EVPL: variants seen among roughly 807,000 people sequenced by gnomAD.
EVPL encodes 210 kDa cornified envelope precursor protein.
In EVPL, 94 loss-of-function variants were observed where a neutral mutation model predicts 129.7. The observed-to-expected ratio is 0.72, with a 90% CI of 0.61 to 0.86. The LOEUF is 0.86. EVPL is among the 40% of genes least tolerant of loss of function. EVPL has a pLI of 0.00. For synonymous variants in EVPL, 1,172 were observed against 1,191.1 expected (o/e 0.98, Z 0.33); for missense variants, 2,625 against 2,721.1 (o/e 0.96, Z 0.79).
rs1414404566 is a variant in EVPL at position 76,008,034 on chromosome 17, T to A, written c.5171A>T (p.Glu1724Val). 2 of 1,613,982 alleles carry A rather than the reference T, an allele frequency of 1.2e-6. No homozygotes were observed. Among genetic ancestry groups the A allele is most frequent in the Non-Finnish European group, 1.7e-6 (2 of 1,180,024 alleles). The change falls in exon 22 of 22, where the codon GAG becomes GTG. Residue 1724 changes from glutamate (E) to valine (V), a missense_variant. Glu to Val is a moderately radical substitution (Grantham distance 121). Around this residue, in one of 4 missense-constraint regions of EVPL, gnomAD observed 1,453 missense variants for 1,511.8 expected, o/e 0.96. Coordinates refer to ENST00000301607, the MANE Select transcript of EVPL (RefSeq NM_001988.4). The surrounding 1 kb of genome is among the most constrained non-coding windows in gnomAD (Gnocchi z 7.4). ...LQLQELECDWEEVTTSGPCGE... is the reference protein window; with the variant it reads ...LQLQELECDWVEVTTSGPCGE... ...ACAGGGCCCCGAGGTGGTGACCTCC[T>A]CCCAGTCACACTCGAGCTCCTGCAG...
At position 76,010,365 on chromosome 17, in the gene EVPL, G is replaced by A. The variant is rs897637669; in HGVS notation, c.2840C>T (p.Thr947Ile). 15 of 1,613,810 alleles carry A rather than the reference G, an allele frequency of 9.3e-6. No individual in the cohort carries two copies. The highest frequency in any genetic ancestry group is 1.3e-5 in the Non-Finnish European group (15 of 1,180,022). ...AQRSQLLQLR[T>I]QRPLERLEEK... ...CTCCAGCCTCTCCAAGGGCCGCTGG[G>A]TCCTCAGCTGCAGCAGTTGGCTCCT... The change falls in exon 22 of 22, where the codon ACC (threonine) becomes ATC (isoleucine). Residue 947 changes from threonine to isoleucine, a missense_variant. This residue lies in a region of EVPL where 1,453 missense variants were observed against 1,511.8 expected (regional missense o/e 0.96). Transcript: ENST00000301607.
rs774831178 is a variant in EVPL, at chr17:76,013,578, C to G, written c.2373+848G>C. 6.6e-6 allele frequency among the ~76,000 whole-genome samples: 1 copy of G among 152,136 alleles called. No individual in the cohort carries two copies. The highest frequency in any genetic ancestry group is 2.4e-5 in the African/African-American group (1 of 41,418). On this transcript the variant is annotated intron_variant, in intron 18 of 21. Coordinates refer to ENST00000301607, the MANE Select transcript of EVPL (RefSeq NM_001988.4). The surrounding 1 kb of genome is among the most constrained non-coding windows in gnomAD (Gnocchi z 4.3). ...TCCCCAACAGAACCCTGGGCATCAC[C>G]GGGCCCCGTCCATCTCACTCACTGT...
chr17:76,007,187 G>T lies in EVPL; in HGVS notation c.6018C>A (p.Ser2006Arg). The T allele has an allele frequency of 6.5e-7, 1 of 1,529,030 alleles. No homozygotes were observed. The highest frequency in any genetic ancestry group is 8.8e-7 in the Non-Finnish European group (1 of 1,136,452). 94.7% of individuals were successfully genotyped at this position (1,529,030 alleles called of 1,614,324 possible). ...GTGCCGCTGGCAGGAGCAGCAGGCC[G>T]CTCAGGGGGTCTTTGCGGCAGCGGC... ...AMGRCRKDPLSGLLLLPAALE... is the reference protein window; with the variant it reads ...AMGRCRKDPLRGLLLLPAALE... The change falls in exon 22 of 22, where the codon AGC becomes AGA. Residue 2006 changes from serine (S) to arginine (R), a missense_variant. Ser to Arg is a moderately radical substitution (Grantham distance 110, BLOSUM62 -1). Around this residue, in one of 4 missense-constraint regions of EVPL, gnomAD observed 1,453 missense variants for 1,511.8 expected, o/e 0.96. Coordinates refer to ENST00000301607, the MANE Select transcript of EVPL (RefSeq NM_001988.4). The surrounding 1 kb of genome is among the most constrained non-coding windows in gnomAD (Gnocchi z 8.8).
In EVPL at chr17:76,021,907, T is replaced by C. The variant is rs930221713; in HGVS notation, c.767A>G (p.Asp256Gly). 11 of 1,560,758 alleles carry C rather than the reference T, an allele frequency of 7.0e-6. No homozygotes were observed. In the African/African-American group the frequency reaches 1.4e-4, roughly 19 times the overall value. Residue 256 changes from aspartate to glycine, a missense_variant, in exon 7 of 22, where the codon GAC (aspartate) becomes GGC (glycine). Transcript: ENST00000301607. The stretch of plus-strand genomic sequence containing the variant: ...CACGCCCGCAGGGTCGGCCATGAGG[T>C]CGCTCCAGTCCTGCTGCAGGATGCG... ...QRRILQQDWS[D>G]LMADPAGVRR...
rs962803888 is a variant in EVPL at position 76,008,713 on chromosome 17, C to T, written c.4492G>A (p.Glu1498Lys). The T allele has an allele frequency of 6.2e-7, 1 of 1,613,690 alleles. No homozygotes were observed. Among genetic ancestry groups the T allele is most frequent in the African/African-American group, 1.3e-5 (1 of 74,938 alleles). ...EKTQVTELNR[E>K]CKNLQVQIDV... ...ATCTGGACCTGCAGGTTCTTGCACT[C>T]CCGATTCAGCTCGGTTACCTGGGTC... The change falls in exon 22 of 22, where the codon GAG (glutamate) becomes AAG (lysine). Residue 1498 changes from glutamate (E) to lysine (K), a missense_variant. Transcript: ENST00000301607. The surrounding 1 kb of genome is among the most constrained non-coding windows in gnomAD (Gnocchi z 7.4).
Position 76,009,832 on chromosome 17 carries a change from G to A in EVPL, c.3373C>T (p.Arg1125Trp), listed in dbSNP as rs371423033. 5.1e-5 allele frequency: 82 copies of A among 1,613,910 alleles called. No homozygotes were observed. In the Admixed American group the frequency reaches 6.3e-4, roughly 12 times the overall value. Residue 1125 changes from arginine to tryptophan, a missense_variant, in exon 22 of 22, where the codon CGG (arginine) becomes TGG (tryptophan). This residue lies in a region of EVPL where 1,453 missense variants were observed against 1,511.8 expected (regional missense o/e 0.96). Transcript: ENST00000301607. This position sits in a 1 kb window ranked among gnomAD's most constrained non-coding sequence, Gnocchi z 5.9. ...TTGGGCTCCACCGAGCTGATAGCCC[G>A]CTCCAGGTCTTCGATGCGAGCCTGT... is the stretch of plus-strand genomic sequence containing the variant. ...KLQARIEDLE[R>W]AISSVEPKVI...
Position 76,023,400 on chromosome 17 carries a change from C to A in EVPL, c.372G>T (p.Glu124Asp). ...ACTCCGCACACTCCTGGGTCACCCGCTCGTGCAGCTGCTTGATGCTGTCAA... is the reference window on the plus strand; with the variant it reads ...ACTCCGCACACTCCTGGGTCACCCGATCGTGCAGCTGCTTGATGCTGTCAA... Reference protein sequence around the residue: ...EIEKDIKQLHERVTQECAEYR... With the variant: ...EIEKDIKQLHDRVTQECAEYR... The change falls in exon 4 of 22, where the codon GAG (glutamate) becomes GAT (aspartate). Residue 124 changes from glutamate to aspartate, a missense_variant. Physicochemically the swap from Glu to Asp is conservative, Grantham distance 45. Transcript: ENST00000301607. The A allele has an allele frequency of 1.2e-6, 2 of 1,613,858 alleles. No individual in the cohort carries two copies. The highest frequency in any genetic ancestry group is 4.5e-5 in the East Asian group (2 of 44,848).
At chr17:76,012,458 C>T (rs1205431413) in intron 18 of EVPL, among the ~76,000 whole-genome samples, 1 of 152,154 alleles carries the variant, frequency 6.6e-6, no homozygotes. Flanking sequence ...CCATGCCAGG[C>T]TAATTTTTAT....
Position 76,018,484 on chromosome 17 carries a change from G to T in EVPL, c.1401C>A (p.Ile467=). ...CCACAGCATCAGGGTCTGGTGCTGG[G>T]ATGCAGAAGCAGGCGGCGGGAGCAC... The part of the protein sequence containing the change: ...TKRAPAACFC[I]PAPDPDAVAR... Residue 467 remains isoleucine (I), a synonymous_variant, in exon 12 of 22, where the codon ATC becomes ATA. Coordinates refer to ENST00000301607, the MANE Select transcript of EVPL (RefSeq NM_001988.4). 6.2e-7 allele frequency: 1 copy of T among 1,612,690 alleles called. No individual in the cohort carries two copies. The highest frequency in any genetic ancestry group is 8.5e-7 in the Non-Finnish European group (1 of 1,179,846).
rs555554617 is a variant in EVPL, at chr17:76,008,334, G to A, written c.4871C>T (p.Thr1624Met). ...QEESKLLSQK[T>M]ESERQKAAQR... ...GGCCGCCTTCTGTCGCTCGCTCTCC[G>A]TCTTCTGGCTGAGCAGCTTCGACTC... is the stretch of plus-strand genomic sequence containing the variant. The change falls in exon 22 of 22, where the codon ACG (threonine) becomes ATG (methionine). Residue 1624 changes from threonine (T) to methionine (M), a missense_variant. This residue lies in a region of EVPL where 1,453 missense variants were observed against 1,511.8 expected (regional missense o/e 0.96). Coordinates refer to ENST00000301607, the MANE Select transcript of EVPL (RefSeq NM_001988.4). This position sits in a 1 kb window ranked among gnomAD's most constrained non-coding sequence, Gnocchi z 7.4. 6.4e-5 allele frequency: 102 copies of A among 1,605,746 alleles called. 1 individual carries two copies. Among genetic ancestry groups the A allele is most frequent in the African/African-American group, 3.6e-4 (27 of 75,044 alleles).
At position 76,010,128 on chromosome 17, in the gene EVPL, G is replaced by A. The variant is rs746454582; in HGVS notation, c.3077C>T (p.Pro1026Leu). 6.2e-7 allele frequency: 1 copy of A among 1,613,906 alleles called. No homozygotes were observed. Among genetic ancestry groups the A allele is most frequent in the Non-Finnish European group, 8.5e-7 (1 of 1,180,034 alleles). The change falls in exon 22 of 22, where the codon CCC (proline) becomes CTC (leucine). Residue 1026 changes from proline (P) to leucine (L), a missense_variant. Pro to Leu is a moderately conservative substitution (Grantham distance 98). Around this residue, in one of 4 missense-constraint regions of EVPL, gnomAD observed 1,453 missense variants for 1,511.8 expected, o/e 0.96. Coordinates refer to ENST00000301607, the MANE Select transcript of EVPL (RefSeq NM_001988.4). Reference sequence around the variant, plus strand: ...CTGGGCCGCCTGGCTGTCCAGGCCGGGGTCCCTCTCCACCTGGGTGACCTC... The same window carrying A: ...CTGGGCCGCCTGGCTGTCCAGGCCGAGGTCCCTCTCCACCTGGGTGACCTC... ...TKEVTQVERD[P>L]GLDSQAAQLR...
chr17:76,027,063 C>A, intron 1 of EVPL, 38 bp downstream of exon 1: 1 of 1,241,008 alleles, frequency 8.1e-7, no homozygotes, highest in Non-Finnish European at 1.1e-6. Context: ...CCACCCCCAC[C>A]CCAGTTCCCC....
intron 21 of EVPL, among the ~76,000 whole-genome samples, chr17:76,011,085 A>G (rs2066373399): frequency 6.6e-6 from 1 of 152,190 alleles, no homozygotes; most frequent in Non-Finnish European, 1.5e-5. Flanking sequence ...AACAAAAAAA[A>G]AGTGCAAACA....
intron 18 of EVPL, among the ~76,000 whole-genome samples, chr17:76,012,461 A>ATTTTTTTTTT: frequency 6.6e-6 from 1 of 152,188 alleles, no homozygotes; most frequent in African/African-American, 2.4e-5. Flanking sequence ...TGCCAGGCTA[A>ATTTTTTTTTT]TTTTTATATT....
At position 76,007,061 on chromosome 17, in the gene EVPL, T is replaced by C; in HGVS notation, c.*42A>G. ...AGGCAAGAGGTGTACGTATCCTACC[T>C]GGCCCAACACACGCACTTCCCCACT... On this transcript the variant is annotated 3_prime_UTR_variant, in exon 22 of 22. Transcript: ENST00000301607. This position sits in a 1 kb window ranked among gnomAD's most constrained non-coding sequence, Gnocchi z 8.8. 1 of 1,415,360 alleles carries C rather than the reference T, an allele frequency of 7.1e-7. No homozygotes were observed. The highest frequency in any genetic ancestry group is 1.8e-5 in the South Asian group (1 of 55,664). 87.7% of individuals were successfully genotyped at this position (1,415,360 alleles called of 1,614,324 possible). A position where few individuals can be genotyped will look rare whatever the true frequency, so the allele number is the denominator to read the frequency against.
In EVPL at chr17:76,007,179, A is replaced by C. The variant is rs748552305; in HGVS notation, c.6026T>G (p.Leu2009Arg). 6.6e-7 allele frequency: 1 copy of C among 1,518,760 alleles called. No homozygotes were observed. The highest frequency in any genetic ancestry group is 8.8e-7 in the Non-Finnish European group (1 of 1,131,520). The allele number at this position is 1,518,760 out of a possible 1,614,324, so 94.1% of individuals were successfully genotyped here. A position where few individuals can be genotyped will look rare whatever the true frequency, so the allele number is the denominator to read the frequency against. ...RCRKDPLSGL[L>R]LLPAALEGYR... ...CCCCTCCAGTGCCGCTGGCAGGAGC[A>C]GCAGGCCGCTCAGGGGGTCTTTGCG... is the stretch of plus-strand genomic sequence containing the variant. The change falls in exon 22 of 22, where the codon CTG (leucine) becomes CGG (arginine). Residue 2009 changes from leucine (L) to arginine (R), a missense_variant. Physicochemically the swap from Leu to Arg is moderately radical, Grantham distance 102 (BLOSUM62 -2). Around this residue, in one of 4 missense-constraint regions of EVPL, gnomAD observed 1,453 missense variants for 1,511.8 expected, o/e 0.96. Coordinates refer to ENST00000301607, the MANE Select transcript of EVPL (RefSeq NM_001988.4). This position sits in a 1 kb window ranked among gnomAD's most constrained non-coding sequence, Gnocchi z 8.8.
At position 76,019,040 on chromosome 17, in the gene EVPL, G is replaced by A. The variant is rs369135175; in HGVS notation, c.1158C>T (p.Ala386=). Residue 386 remains alanine, a synonymous_variant, in exon 11 of 22, where the codon GCC becomes GCT. Transcript: ENST00000301607. ...QQLEAEEKRL[A]VTERATGDLQ... ...GGTCCCCAGTGGCCCTCTCGGTGAC[G>A]GCCAGCCGTTTTTCCTCTGCCTGCC... 53 of 1,575,356 alleles carry A rather than the reference G, an allele frequency of 3.4e-5. No homozygotes were observed. In the African/African-American group the frequency reaches 4.9e-4, roughly 14 times the overall value.
chr17:76,006,901 T>TGGGTG lies in EVPL; in HGVS notation c.*201_*202insCACCC. On this transcript the variant is annotated 3_prime_UTR_variant, in exon 22 of 22. Transcript: ENST00000301607. The stretch of plus-strand genomic sequence containing the variant: ...CACTGGGTGGAGGTGGAGGAAGAAC[T>TGGGTG]GAGTGGCTGCTGTCCTGGTCTGGGG... 1 of 466,722 alleles carries TGGGTG rather than the reference T, an allele frequency of 2.1e-6. No individual in the cohort carries two copies. The highest frequency in any genetic ancestry group is 3.5e-6 in the Non-Finnish European group (1 of 285,730). The allele number at this position is 466,722 out of a possible 1,614,324, so 28.9% of individuals were successfully genotyped here.
In EVPL at chr17:76,021,532, T is replaced by C. The variant is rs1351373565; in HGVS notation, c.947A>G (p.Gln316Arg). ...GCAGATACACAGGTTCAGGAAGTTCTGCCACTCCATCTTCAGGGCCTCCTG... is the reference window on the plus strand; with the variant it reads ...GCAGATACACAGGTTCAGGAAGTTCCGCCACTCCATCTTCAGGGCCTCCTG... The part of the protein sequence containing the change: ...AHQEALKMEW[Q>R]NFLNLCICQE... Residue 316 changes from glutamine to arginine, a missense_variant, in exon 9 of 22, where the codon CAG becomes CGG. By Grantham distance (43) the Gln-to-Arg change is conservative. Coordinates refer to ENST00000301607, the MANE Select transcript of EVPL (RefSeq NM_001988.4). 1.9e-6 allele frequency: 3 copies of C among 1,609,266 alleles called. No homozygotes were observed. The highest frequency in any genetic ancestry group is 2.5e-6 in the Non-Finnish European group (3 of 1,178,714).
Sources: gnomAD v4.1 joint callset for allele counts (sites outside exome capture counted in the v4.1 genomes callset) on GRCh38, gnomAD v4.1.1 for gene constraint, gnomAD v4.1.1 regional missense constraint, Gnocchi (gnomAD v3.1) non-coding constraint, MANE v1.5 for transcripts, NCBI Gene and HGNC (gene_info 2026-07-23, HGNC 2026-07-21) for gene names.